The following ZDHHC9 variants were observed in gnomAD, a reference collection of about 807,000 sequenced individuals.
ZDHHC9 encodes the protein palmitoyltransferase ZDHHC9.
In ZDHHC9, 3 loss-of-function variants were observed where a neutral mutation model predicts 26.6. That is an observed-to-expected ratio of 0.11 (90% CI 0.05 to 0.29). The LOEUF is 0.29. Ranked by LOEUF, ZDHHC9 falls within the 10% of genes least tolerant of loss-of-function variation. ZDHHC9 has a pLI of 1.00. For missense variants in ZDHHC9, 146 were observed against 296.4 expected, an observed-to-expected ratio of 0.49 and a Z score of 3.73; for synonymous variants, 111 against 109.4, an observed-to-expected ratio of 1.01 and a Z score of -0.09.
In ZDHHC9 at chrX:129,829,207, G is replaced by A. The variant is rs188025143; in HGVS notation, c.168-66C>T. On this transcript the variant is annotated intron_variant, in intron 3 of 10. Transcript: ENST00000357166. The stretch of plus-strand genomic sequence containing the variant: ...CTATATTGATCTCCAATTGTTACCA[G>A]TATGTCAATCTGGCCCCCACAACAG... 102 of 1,140,397 alleles carry A rather than the reference G, an allele frequency of 8.9e-5. No homozygotes were observed. In the African/African-American group the frequency reaches 1.7e-3, roughly 19 times the overall value. The allele number at this position is 1,140,397 out of a possible 1,213,427, so 94.0% of individuals were successfully genotyped here.
chrX:129,843,394 G>T (rs1177284090), intron 1 of ZDHHC9, 68 bp from the exon 2 acceptor site: 2 of 112,233 alleles, frequency 1.8e-5, no homozygotes, highest in East Asian at 2.9e-4. Flanking sequence ...GCCGGAGGCC[G>T]GAGGCCGGAG....
intron 9 of ZDHHC9, 31 bp from the exon 10 acceptor site, chrX:129,811,032 T>G (rs1459072135): frequency 8.7e-7 from 1 of 1,155,417 alleles, no homozygotes; most frequent in Non-Finnish European, 1.2e-6. Context: ...AACAAAGAAC[T>G]GGGCATTCAC....
chrX:129,832,399 G>A (rs1928161543), intron 3 of ZDHHC9, among the ~76,000 whole-genome samples: 1 of 111,187 alleles, frequency 9.0e-6, no homozygotes, highest in African/African-American at 3.3e-5. Flanking sequence ...TGTAATCCCA[G>A]CACTTTGGGA....
At chrX:129,828,871 A>G in intron 4 of ZDHHC9, 110 bp downstream of exon 4, 2 of 1,025,773 alleles carry the variant, frequency 1.9e-6, no homozygotes, top group Non-Finnish European at 2.7e-6. Context: ...GATCTCAGAG[A>G]GAAAAGGCTA....
intron 10 of ZDHHC9, among the ~76,000 whole-genome samples, chrX:129,810,619 C>G (rs1019880118): frequency 9.0e-5 from 10 of 111,570 alleles, no homozygotes; most frequent in African/African-American, 2.9e-4. Context: ...CTTGCCCCCA[C>G]TAGACAATGA....
chrX:129,828,875 A>G lies in ZDHHC9; in HGVS notation c.328+106T>C, dbSNP rs183708469. 549 of 1,047,950 alleles carry G rather than the reference A, an allele frequency of 5.2e-4. No individual in the cohort carries two copies. In the African/African-American group the frequency reaches 9.1e-3, roughly 17 times the overall value. 86.4% of individuals were successfully genotyped at this position (1,047,950 alleles called of 1,213,427 possible). Reference sequence around the variant, plus strand: ...CTCAGATTCAGGATCTCAGAGAGAAAAGGCTAGAAGTGATTATTAATCTGC... The same window carrying G: ...CTCAGATTCAGGATCTCAGAGAGAAGAGGCTAGAAGTGATTATTAATCTGC... On this transcript the variant is annotated intron_variant, in intron 4 of 10. Coordinates refer to ENST00000357166, the MANE Select transcript of ZDHHC9 (RefSeq NM_016032.4).
At chrX:129,832,394 T>A (rs959646299) in intron 3 of ZDHHC9, among the ~76,000 whole-genome samples, 2 of 111,214 alleles carry the variant, frequency 1.8e-5, no homozygotes, top group Non-Finnish European at 3.8e-5. Flanking sequence ...ACACCTGTAA[T>A]CCCAGCACTT....
intron 10 of ZDHHC9, among the ~76,000 whole-genome samples, 162 bp from the exon 11 acceptor site, chrX:129,806,648 T>C (rs769826583): frequency 8.9e-6 from 1 of 112,410 alleles, no homozygotes; most frequent in East Asian, 2.8e-4. Context: ...CAAGCTATCG[T>C]CTTCTCGGCA....
chrX:129,819,793 GT>G (rs1308656288), intron 5 of ZDHHC9, among the ~76,000 whole-genome samples: 1 of 110,853 alleles, frequency 9.0e-6, no homozygotes, highest in African/African-American at 3.3e-5. Flanking sequence ...CACCTCATGG[GT>G]TTTTTATTCT....
chrX:129,838,712 C>T (rs1928314725), intron 3 of ZDHHC9, among the ~76,000 whole-genome samples: 1 of 109,333 alleles, frequency 9.1e-6, no homozygotes, highest in Admixed American at 9.6e-5. Flanking sequence ...AAAAAAGAAA[C>T]ACTCTAACAA....
At chrX:129,830,393 A>T (rs191501712) in intron 3 of ZDHHC9, among the ~76,000 whole-genome samples, 8 of 112,288 alleles carry the variant, frequency 7.1e-5, no homozygotes, top group Middle Eastern at 4.6e-3. Flanking sequence ...TGCACTTGAC[A>T]CACAGTAAAT....
intron 4 of ZDHHC9, among the ~76,000 whole-genome samples, chrX:129,827,220 T>C (rs1398519640): frequency 3.2e-5 from 2 of 62,919 alleles, no homozygotes; most frequent in African/African-American, 1.3e-4. Flanking sequence ...GAAGGAAAAA[T>C]AAAAAAGAAG....
At chrX:129,819,863 T>C (rs1927843302) in intron 5 of ZDHHC9, among the ~76,000 whole-genome samples, 1 of 110,348 alleles carries the variant, frequency 9.1e-6, no homozygotes, top group Admixed American at 9.8e-5. Context: ...GTCCAGCTAA[T>C]TTTTGTATGT....
chrX:129,822,851 A>C (rs1038604794), intron 5 of ZDHHC9: 12 of 111,497 alleles, frequency 1.1e-4, no homozygotes, highest in African/African-American at 3.6e-4. Flanking sequence ...CTCAAGAAAA[A>C]GTAATTTTAA....
chrX:129,838,533 T>G (rs772393328), intron 3 of ZDHHC9, among the ~76,000 whole-genome samples: 1 of 110,557 alleles, frequency 9.0e-6, no homozygotes, highest in Admixed American at 9.6e-5. Context: ...TTATTTGTAT[T>G]TGGCAGGTGT....
At chrX:129,827,270 GGGAGGGAGGGAGGGAGGGAA>G (rs1371465985) in intron 4 of ZDHHC9, among the ~76,000 whole-genome samples, 1 of 89,315 alleles carries the variant, frequency 1.1e-5, no homozygotes, top group Non-Finnish European at 2.2e-5. Context: ...AAGGAAGGAA[GGGAGGGAGGGAGGGAGGGAA>G]GGAGGGAGGG....
chrX:129,829,271 T>C, intron 3 of ZDHHC9, 130 bp from the exon 4 acceptor site: 1 of 776,697 alleles, frequency 1.3e-6, no homozygotes, highest in Non-Finnish European at 1.9e-6. Flanking sequence ...ATGTTTCTTC[T>C]CTTGAATTAC....
chrX:129,816,606 G>A (rs1228168829), intron 5 of ZDHHC9, among the ~76,000 whole-genome samples: 2 of 111,602 alleles, frequency 1.8e-5, no homozygotes, highest in African/African-American at 6.5e-5. Flanking sequence ...ATAATTCATT[G>A]TAATACTAGT....
intron 8 of ZDHHC9, among the ~76,000 whole-genome samples, chrX:129,812,218 G>C (rs1452338764): frequency 9.0e-6 from 1 of 110,716 alleles, no homozygotes; most frequent in Non-Finnish European, 1.9e-5. Context: ...CGAGTAGCTG[G>C]GACTACAGGT....
Sources: gnomAD v4.1 joint callset for allele counts (sites outside exome capture counted in the v4.1 genomes callset) on GRCh38, gnomAD v4.1.1 for gene constraint, MANE v1.5 for transcripts, NCBI Gene and HGNC (gene_info 2026-07-23, HGNC 2026-07-21) for gene names.